PRSS48: variants seen among roughly 807,000 people sequenced by gnomAD.
The protein encoded by PRSS48 is epidermis-specific serine protease-like protein.
In PRSS48, 21 loss-of-function variants were observed where a neutral mutation model predicts 25.6. The observed-to-expected ratio is 0.82, with a 90% confidence interval of 0.58 to 1.18. The LOEUF is 1.18. Ranked by LOEUF, PRSS48 falls within the 50% of genes most tolerant of loss-of-function variation. The pLI is 0.00. For synonymous variants in PRSS48, 150 were observed against 149.3 expected (o/e 1.00, Z -0.04); for missense variants, 373 against 399.3 (o/e 0.93, Z 0.56).
chr4:151,283,394 C>G, intron 4 of PRSS48, 108 bp downstream of exon 4: 2 of 855,546 alleles, frequency 2.3e-6, no homozygotes, highest in Admixed American at 2.6e-5. Flanking sequence ...GATGAGGGTT[C>G]TAAGAATAAC....
intron 4 of PRSS48, among the ~76,000 whole-genome samples, chr4:151,284,496 C>T (rs1262552872): frequency 6.6e-6 from 1 of 152,176 alleles, no homozygotes; most frequent in African/African-American, 2.4e-5. Flanking sequence ...TTTTCCTTTA[C>T]ATGTGTTGAT....
At chr4:151,281,148 G>C (rs1004884394) in intron 2 of PRSS48, among the ~76,000 whole-genome samples, 2 of 152,138 alleles carry the variant, frequency 1.3e-5, no homozygotes, top group Admixed American at 6.5e-5. Flanking sequence ...GAACAAGAGA[G>C]CAGAGGGCTC....
At position 151,282,299 on chromosome 4, in the gene PRSS48, C is replaced by G. The variant is rs200120511; in HGVS notation, c.367C>G (p.Gln123Glu). The stretch of plus-strand genomic sequence containing the variant: ...CGTCGCCTTGTTGAAACTGTCCTCT[C>G]AAGTCACCTTCACTTCTGCCATCCT... Residue 123 changes from glutamine to glutamate, a missense_variant, in exon 3 of 5, where the codon CAA becomes GAA. Transcript: ENST00000455694. 2.7e-3 allele frequency: 4,355 copies of G among 1,613,948 alleles called. 8 individuals are homozygous for G. Among genetic ancestry groups the G allele is most frequent in the Non-Finnish European group, 3.5e-3 (4,086 of 1,179,886 alleles).
exon 1 of PRSS48, chr4:151,277,180 C>A (rs1272994979): frequency 1.3e-6 from 2 of 1,489,180 alleles, no homozygotes; most frequent in Non-Finnish European, 1.8e-6. Flanking sequence ...GACATGGGCC[C>A]TGCTGGCTGT....
chr4:151,291,307 A>G (rs1255955174), exon 5 of PRSS48: 10 of 1,613,760 alleles, frequency 6.2e-6, no homozygotes, highest in Non-Finnish European at 6.8e-6. Context: ...CTTGTTCCCT[A>G]TTGTCCTACT....
At chr4:151,290,811 A>G (rs1375858878) in intron 4 of PRSS48, among the ~76,000 whole-genome samples, 2 of 152,220 alleles carry the variant, frequency 1.3e-5, no homozygotes, top group Non-Finnish European at 2.9e-5. Flanking sequence ...AAATTAAGGC[A>G]GTTCATTCAT....
At chr4:151,281,973 G>A (rs368485711) in intron 2 of PRSS48, among the ~76,000 whole-genome samples, 175 bp from the exon 3 acceptor site, 16 of 152,118 alleles carry the variant, frequency 1.1e-4, no homozygotes, top group East Asian at 3.9e-4. Flanking sequence ...AGGGAAGGAC[G>A]GGGAGAAAGA....
intron 2 of PRSS48, among the ~76,000 whole-genome samples, chr4:151,280,425 T>C (rs773496564): frequency 5.7e-4 from 87 of 152,030 alleles, no homozygotes; most frequent in Non-Finnish European, 1.1e-3. Context: ...TGATTGCAGC[T>C]GCAGCTCACC....
chr4:151,291,635 C>T (rs111554955), downstream of PRSS48, among the ~76,000 whole-genome samples: 699 of 152,248 alleles, frequency 4.6e-3, 1 homozygote, highest in Non-Finnish European at 8.0e-3. Flanking sequence ...GAAGGATGTC[C>T]TCTATGAATA....
At chr4:151,285,633 T>C (rs556247660) in intron 4 of PRSS48, among the ~76,000 whole-genome samples, 1 of 152,264 alleles carries the variant, frequency 6.6e-6, no homozygotes, top group South Asian at 2.1e-4. Context: ...AGTAACCTAA[T>C]CTTCCATACA....
chr4:151,281,748 T>C (rs539162959), intron 2 of PRSS48, among the ~76,000 whole-genome samples: 1 of 152,186 alleles, frequency 6.6e-6, no homozygotes, highest in Non-Finnish European at 1.5e-5. Context: ...TATGTGTAAC[T>C]GTGGTTATAT....
intron 4 of PRSS48, among the ~76,000 whole-genome samples, chr4:151,287,464 G>T (rs1261936817): frequency 6.6e-6 from 1 of 151,966 alleles, no homozygotes; most frequent in African/African-American, 2.4e-5. Context: ...ATGAACAGAG[G>T]TGTAAAAATC....
At chr4:151,282,753 C>T (rs1774374690) in intron 3 of PRSS48, among the ~76,000 whole-genome samples, 1 of 151,660 alleles carries the variant, frequency 6.6e-6, no homozygotes. Context: ...TACGTCAACT[C>T]TTTCCCAGGT....
At chr4:151,289,140 A>G (rs971713009) in intron 4 of PRSS48, among the ~76,000 whole-genome samples, 4 of 152,244 alleles carry the variant, frequency 2.6e-5, no homozygotes, top group African/African-American at 9.6e-5. Flanking sequence ...TGAACAAATA[A>G]TAGTCATTTC....
chr4:151,282,393 GA>G lies in PRSS48; in HGVS notation c.465del (p.Val156LeufsTer57). The G allele has an allele frequency of 6.2e-7, 1 of 1,613,866 alleles. No homozygotes were observed. Among genetic ancestry groups the G allele is most frequent in the South Asian group, 1.1e-5 (1 of 91,028 alleles). On this transcript the variant is annotated frameshift_variant, in exon 3 of 5. Coordinates refer to ENST00000455694, the Ensembl canonical transcript of PRSS48. LOFTEE classifies it high-confidence loss of function. ...CCCTTTTGTTGGGTGACCGGATGGG[GA>G]AAAGTTAAGGAAAGTTCAGGTGAGA...
intron 2 of PRSS48, among the ~76,000 whole-genome samples, 155 bp from the exon 3 acceptor site, chr4:151,281,993 A>C (rs895308406): frequency 1.3e-5 from 2 of 152,086 alleles, no homozygotes; most frequent in African/African-American, 4.8e-5. Context: ...AGAGGAAAGA[A>C]GGAGACAAAT....
At chr4:151,287,621 T>C (rs1321374647) in intron 4 of PRSS48, among the ~76,000 whole-genome samples, 1 of 152,064 alleles carries the variant, frequency 6.6e-6, no homozygotes. Context: ...TTTTAGGATG[T>C]GGTGACTCAA....
exon 5 of PRSS48, chr4:151,291,168 G>C: frequency 6.2e-7 from 1 of 1,613,888 alleles, no homozygotes; most frequent in African/African-American, 1.3e-5. Flanking sequence ...TATGGATCCA[G>C]ACAGGAGTAG....
chr4:151,290,474 GTCT>G (rs1214949051), intron 4 of PRSS48, among the ~76,000 whole-genome samples: 2 of 152,182 alleles, frequency 1.3e-5, no homozygotes, highest in African/African-American at 4.8e-5. Flanking sequence ...TATATGAAAT[GTCT>G]AAAATAGGCA....
Sources: allele counts gnomAD v4.1 joint callset (sites outside exome capture counted in the v4.1 genomes callset), GRCh38; gene constraint gnomAD v4.1.1; transcripts MANE v1.5; gene names NCBI Gene and HGNC (gene_info 2026-07-23, HGNC 2026-07-21).